The following ADGRB3 variants were observed in gnomAD, a reference collection of about 807,000 sequenced individuals.
ADGRB3 encodes the protein adhesion G protein-coupled receptor B3.
In ADGRB3, 37 loss-of-function variants were observed where a neutral mutation model predicts 193.4. The observed-to-expected ratio is 0.19, with a 90% CI of 0.15 to 0.25. The LOEUF is 0.25. Among genes scored for constraint, ADGRB3 ranks in the 10% least tolerant of loss-of-function variants. The pLI, the probability that ADGRB3 is intolerant of heterozygous loss-of-function variation, is 1.00. For missense variants in ADGRB3, 1,637 were observed against 1,852.9 expected (o/e 0.88, Z 2.14); for synonymous variants, 690 against 644.2 (o/e 1.07, Z -1.08).
At chr6:68,735,007 G>T (rs1765844683) in intron 3 of ADGRB3, among the ~76,000 whole-genome samples, 1 of 151,768 alleles carries the variant, frequency 6.6e-6, no homozygotes, top group Non-Finnish European at 1.5e-5. Context: ...ATGAAAATAT[G>T]GAATACTAGT....
chr6:68,664,413 G>A (rs375451183), intron 3 of ADGRB3, among the ~76,000 whole-genome samples: 7 of 151,752 alleles, frequency 4.6e-5, no homozygotes, highest in South Asian at 2.1e-4. Context: ...TGGAACTTTC[G>A]TGAATGAGAT....
chr6:69,094,737 A>G (rs1411572422), intron 17 of ADGRB3, among the ~76,000 whole-genome samples: 2 of 152,208 alleles, frequency 1.3e-5, no homozygotes, highest in African/African-American at 2.4e-5. Flanking sequence ...TATAAAATAA[A>G]AAAATTAAAA....
At chr6:69,373,866 A>G (rs551399846) in intron 30 of ADGRB3, among the ~76,000 whole-genome samples, 3 of 152,062 alleles carry the variant, frequency 2.0e-5, no homozygotes, top group Non-Finnish European at 4.4e-5. Flanking sequence ...AATTAAACCA[A>G]CCTAAGTTAT....
chr6:69,242,311 G>C (rs1254704032), intron 20 of ADGRB3, among the ~76,000 whole-genome samples: 1 of 151,814 alleles, frequency 6.6e-6, no homozygotes, highest in African/African-American at 2.4e-5. Context: ...TGCTTCTGTG[G>C]GGATTTTTTA....
chr6:69,227,369 G>C (rs1335267722), intron 17 of ADGRB3, among the ~76,000 whole-genome samples: 3 of 152,142 alleles, frequency 2.0e-5, no homozygotes, highest in Non-Finnish European at 4.4e-5. Context: ...TACTCTGAGT[G>C]AGATCAGAAA....
intron 17 of ADGRB3, among the ~76,000 whole-genome samples, chr6:69,171,926 G>A (rs1323266081): frequency 6.6e-6 from 1 of 152,058 alleles, no homozygotes; most frequent in African/African-American, 2.4e-5. Context: ...AGCCTCCTTT[G>A]CAGTAAGGTA....
chr6:68,668,624 C>A (rs183754325), intron 3 of ADGRB3, among the ~76,000 whole-genome samples: 1 of 151,866 alleles, frequency 6.6e-6, no homozygotes, highest in Non-Finnish European at 1.5e-5. Context: ...GGTGTTTATT[C>A]TCTAGGACCA....
At chr6:68,951,844 A>G (rs1767928576) in intron 6 of ADGRB3, among the ~76,000 whole-genome samples, 1 of 152,140 alleles carries the variant, frequency 6.6e-6, no homozygotes, top group African/African-American at 2.4e-5. Context: ...GATTGTCTCT[A>G]CTACCTCGCT....
intron 17 of ADGRB3, among the ~76,000 whole-genome samples, chr6:69,104,117 T>C (rs1261425816): frequency 6.6e-6 from 1 of 151,806 alleles, no homozygotes; most frequent in Non-Finnish European, 1.5e-5. Flanking sequence ...ACATGTGCCA[T>C]GCTGGTGTGC....
intron 3 of ADGRB3, among the ~76,000 whole-genome samples, chr6:68,928,420 A>G (rs1330315117): frequency 2.0e-5 from 3 of 152,090 alleles, no homozygotes; most frequent in African/African-American, 4.8e-5. Context: ...TGTCTTAGCT[A>G]CTTGGGAGGC....
intron 20 of ADGRB3, among the ~76,000 whole-genome samples, chr6:69,239,962 T>C (rs1039840239): frequency 2.6e-5 from 4 of 152,078 alleles, no homozygotes; most frequent in African/African-American, 9.7e-5. Flanking sequence ...TGATAACTTA[T>C]TTGTCAATCG....
In ADGRB3 at chr6:68,707,209, G is replaced by A. The variant is rs560156981; in HGVS notation, c.757+67777G>A. Among the ~76,000 whole-genome samples, 146 of 151,576 alleles carry A rather than the reference G, an allele frequency of 9.6e-4. 2 individuals carry two copies. In the Middle Eastern group the frequency reaches 0.01, roughly 11 times the overall value. ...ATTTAAAAGTCATCTTTTCATTTTC[G>A]TATGGTCTATTTGGACTGATTGTCT... is the stretch of plus-strand genomic sequence containing the variant. On this transcript the variant is annotated intron_variant, in intron 3 of 31. Coordinates refer to ENST00000370598, the MANE Select transcript of ADGRB3 (RefSeq NM_001704.3).
intron 17 of ADGRB3, among the ~76,000 whole-genome samples, chr6:69,085,712 G>A (rs1488511285): frequency 6.6e-6 from 1 of 151,458 alleles, no homozygotes; most frequent in African/African-American, 2.4e-5. Context: ...TTGCAGGTTT[G>A]GTGTTCCTCA....
intron 17 of ADGRB3, among the ~76,000 whole-genome samples, chr6:69,188,984 T>A (rs1190227577): frequency 2.0e-5 from 3 of 152,214 alleles, no homozygotes; most frequent in Non-Finnish European, 4.4e-5. Flanking sequence ...TTTGGTATTT[T>A]ACAGTGTAAG....
chr6:68,956,305 G>T, intron 7 of ADGRB3, 117 bp downstream of exon 7: 1 of 755,914 alleles, frequency 1.3e-6, no homozygotes, highest in Non-Finnish European at 1.9e-6. Flanking sequence ...ATATATATGT[G>T]TGTGTGTGTG....
At chr6:69,006,458 AG>A (rs1482307188) in intron 11 of ADGRB3, among the ~76,000 whole-genome samples, 1 of 152,092 alleles carries the variant, frequency 6.6e-6, no homozygotes, top group East Asian at 1.9e-4. Flanking sequence ...CCTAGTTAAA[AG>A]AATGGTCTGT....
At chr6:68,753,842 A>G (rs983728092) in intron 3 of ADGRB3, among the ~76,000 whole-genome samples, 1 of 152,200 alleles carries the variant, frequency 6.6e-6, no homozygotes, top group African/African-American at 2.4e-5. Flanking sequence ...AGGTCCTGGA[A>G]GAATACCCAG....
At chr6:69,100,493 A>G (rs1773001884) in intron 17 of ADGRB3, among the ~76,000 whole-genome samples, 1 of 152,174 alleles carries the variant, frequency 6.6e-6, no homozygotes, top group Non-Finnish European at 1.5e-5. Context: ...AAGTTCTCCC[A>G]TTTTGTAATT....
At chr6:68,869,102 C>T (rs928049054) in intron 3 of ADGRB3, among the ~76,000 whole-genome samples, 46 of 152,132 alleles carry the variant, frequency 3.0e-4, no homozygotes, top group African/African-American at 1.1e-3. Context: ...CAGCAGTCAA[C>T]TGGAAGCTAA....
Sources: gnomAD v4.1 joint callset for allele counts (sites outside exome capture counted in the v4.1 genomes callset) on GRCh38, gnomAD v4.1.1 for gene constraint, MANE v1.5 for transcripts, NCBI Gene and HGNC (gene_info 2026-07-23, HGNC 2026-07-21) for gene names.